The following NEK7 variants were observed in gnomAD, a reference collection of about 807,000 sequenced individuals.
NEK7 encodes NIMA related kinase 7.
A neutral mutation model predicts 44.6 loss-of-function variants in NEK7; 18 were observed. The observed-to-expected ratio is 0.40, with a 90% CI of 0.28 to 0.60. NEK7 has a LOEUF of 0.60. NEK7 is among the 20% of genes least tolerant of loss of function. The pLI is 0.38. For missense variants in NEK7, 256 were observed against 366.5 expected, an observed-to-expected ratio of 0.70 and a Z score of 2.46; for synonymous variants, 130 against 121.1, an observed-to-expected ratio of 1.07 and a Z score of -0.48.
chr1:198,212,060 A>G (rs1490962205), intron 1 of NEK7, among the ~76,000 whole-genome samples: 1 of 152,210 alleles, frequency 6.6e-6, no homozygotes, highest in Non-Finnish European at 1.5e-5. Context: ...TCTTGCGTGC[A>G]TTCCCAGACT....
chr1:198,242,166 C>T (rs1384338693), intron 2 of NEK7, among the ~76,000 whole-genome samples: 1 of 152,052 alleles, frequency 6.6e-6, no homozygotes, highest in Non-Finnish European at 1.5e-5. Context: ...GTCCTCATCT[C>T]TCTAACTCCT....
chr1:198,254,718 G>T (rs1653191372), intron 3 of NEK7, among the ~76,000 whole-genome samples: 1 of 152,130 alleles, frequency 6.6e-6, no homozygotes, highest in South Asian at 2.1e-4. Flanking sequence ...CACAGGGGAT[G>T]CATGTGTACT....
intron 1 of NEK7, among the ~76,000 whole-genome samples, chr1:198,222,382 G>A (rs1049158270): frequency 2.0e-5 from 3 of 151,990 alleles, no homozygotes; most frequent in African/African-American, 7.2e-5. Flanking sequence ...AAAGAAATTT[G>A]AATATTATAA....
chr1:198,208,938 T>A (rs2102811916), intron 1 of NEK7, among the ~76,000 whole-genome samples: 1 of 152,138 alleles, frequency 6.6e-6, no homozygotes, highest in Middle Eastern at 3.4e-3. Context: ...GATGTTGGGT[T>A]CGCTTTTCTT....
intron 1 of NEK7, among the ~76,000 whole-genome samples, chr1:198,157,731 C>T (rs1341091875): frequency 6.6e-6 from 1 of 152,106 alleles, no homozygotes; most frequent in African/African-American, 2.4e-5. Flanking sequence ...AAGTGAAGTG[C>T]GCTGGGAGAG....
chr1:198,162,162 T>C, intron 1 of NEK7, among the ~76,000 whole-genome samples: 1 of 152,136 alleles, frequency 6.6e-6, no homozygotes. Context: ...CTGAGTAGCA[T>C]AGAGCAGAAT....
At position 198,213,711 on chromosome 1, in the gene NEK7, C is replaced by T. The variant is rs184657088; in HGVS notation, c.-28-18842C>T. On this transcript the variant is annotated intron_variant, in intron 1 of 9. Transcript: ENST00000367385. ...TCGCTTTCCTGCTGGCCTGGAAGGA[C>T]GGCTGTGGTGCCTTCCTTCTTTCCC... 1.6e-3 allele frequency among the ~76,000 whole-genome samples: 245 copies of T among 152,240 alleles called. 3 individuals are homozygous for T. The highest frequency in any genetic ancestry group is 4.0e-4 in the Non-Finnish European group (27 of 68,012).
intron 1 of NEK7, among the ~76,000 whole-genome samples, chr1:198,183,817 T>C (rs1325353249): frequency 6.6e-6 from 1 of 152,220 alleles, no homozygotes; most frequent in Non-Finnish European, 1.5e-5. Flanking sequence ...GTGATAAATA[T>C]AGCATGTGAC....
At chr1:198,317,568 T>A (rs1655405767) in intron 9 of NEK7, among the ~76,000 whole-genome samples, 1 of 152,230 alleles carries the variant, frequency 6.6e-6, no homozygotes, top group Non-Finnish European at 1.5e-5. Flanking sequence ...TTGGAAATTC[T>A]ACCCTATTCT....
At chr1:198,287,655 C>T (rs892252536) in intron 7 of NEK7, among the ~76,000 whole-genome samples, 56 of 151,390 alleles carry the variant, frequency 3.7e-4, no homozygotes, top group African/African-American at 1.2e-3. Flanking sequence ...TGTTAGCTTA[C>T]TGCATGTTTG....
chr1:198,162,589 TAGGACCTTC>T (rs1341094011), intron 1 of NEK7, among the ~76,000 whole-genome samples: 1 of 152,150 alleles, frequency 6.6e-6, no homozygotes, highest in African/African-American at 2.4e-5. Flanking sequence ...TCTCTATTCT[TAGGACCTTC>T]AGGGGTGGGA....
In NEK7 at chr1:198,229,592, C is replaced by A. The variant is rs192831516; in HGVS notation, c.-28-2961C>A. Reference sequence around the variant, plus strand: ...TGGAATTGAATTGGAGGAAACCCAGCTGGTGTCCACTGCAGAACTGATTAT... The same window carrying A: ...TGGAATTGAATTGGAGGAAACCCAGATGGTGTCCACTGCAGAACTGATTAT... On this transcript the variant is annotated intron_variant, in intron 1 of 9. Coordinates refer to ENST00000367385, the MANE Select transcript of NEK7 (RefSeq NM_133494.3). 2.1e-3 allele frequency among the ~76,000 whole-genome samples: 316 copies of A among 152,290 alleles called. 1 individual carries two copies. The highest frequency in any genetic ancestry group is 6.6e-4 in the Non-Finnish European group (45 of 68,028).
At chr1:198,158,526 C>A (rs2102688412) in intron 1 of NEK7, among the ~76,000 whole-genome samples, 1 of 152,276 alleles carries the variant, frequency 6.6e-6, no homozygotes, top group East Asian at 1.9e-4. Context: ...ATGTTCTGTT[C>A]AGGACCTTGA....
chr1:198,256,307 G>A (rs760182559), intron 3 of NEK7: 1 of 1,592,678 alleles, frequency 6.3e-7, no homozygotes, highest in African/African-American at 1.3e-5. Context: ...GATGTGTTCA[G>A]CTCTGGCCAT....
chr1:198,305,326 A>G (rs1185538764), intron 9 of NEK7, among the ~76,000 whole-genome samples: 2 of 152,200 alleles, frequency 1.3e-5, no homozygotes, highest in African/African-American at 4.8e-5. Context: ...TTCCTTGAAC[A>G]TGGTTAATAA....
At chr1:198,271,306 A>G (rs897424793) in intron 5 of NEK7, among the ~76,000 whole-genome samples, 1 of 152,018 alleles carries the variant, frequency 6.6e-6, no homozygotes, top group Non-Finnish European at 1.5e-5. Flanking sequence ...CACATGCCCT[A>G]CTCACATTCA....
chr1:198,256,422 T>C (rs753753776), intron 3 of NEK7: 2 of 1,611,710 alleles, frequency 1.2e-6, no homozygotes, highest in Admixed American at 1.7e-5. Context: ...CTACAGTATA[T>C]GGCAACATTA....
chr1:198,226,974 T>A (rs1483081667), intron 1 of NEK7, among the ~76,000 whole-genome samples: 1 of 152,108 alleles, frequency 6.6e-6, no homozygotes, highest in African/African-American at 2.4e-5. Flanking sequence ...CCCATTAACT[T>A]GTCATTTAAC....
chr1:198,180,018 T>C (rs1278529476), intron 1 of NEK7, among the ~76,000 whole-genome samples: 1 of 152,156 alleles, frequency 6.6e-6, no homozygotes, highest in East Asian at 1.9e-4. Context: ...TCCACTGTGA[T>C]GTTTTGAGAA....
Sources: allele counts gnomAD v4.1 joint callset (sites outside exome capture counted in the v4.1 genomes callset), GRCh38; gene constraint gnomAD v4.1.1; transcripts MANE v1.5; gene names NCBI Gene and HGNC (gene_info 2026-07-23, HGNC 2026-07-21).